Variants in FAM13A observed in about 807,000 individuals in gnomAD.
FAM13A encodes the protein family with sequence similarity 13 member A.
A neutral mutation model predicts 129.6 loss-of-function variants in FAM13A; 76 were observed. That is an observed-to-expected ratio of 0.59 (90% CI 0.49 to 0.71). FAM13A has a LOEUF of 0.71. FAM13A is among the 30% of genes least tolerant of loss of function. The pLI is 0.00. For synonymous variants in FAM13A, 443 were observed against 449.9 expected, an observed-to-expected ratio of 0.98 and a Z score of 0.20; for missense variants, 1,108 against 1,249.3, an observed-to-expected ratio of 0.89 and a Z score of 1.70.
At chr4:88,928,886 T>C (rs1348883407) in intron 5 of FAM13A, among the ~76,000 whole-genome samples, 1 of 152,076 alleles carries the variant, frequency 6.6e-6, no homozygotes, top group Non-Finnish European at 1.5e-5. Context: ...CTTTGTTTCT[T>C]TTTCTCTAAT....
chr4:88,838,061 A>T (rs191872451), intron 7 of FAM13A, among the ~76,000 whole-genome samples: 8 of 152,296 alleles, frequency 5.3e-5, no homozygotes, highest in Admixed American at 2.6e-4. Flanking sequence ...TGTATTAGGT[A>T]TTATAAGTAA....
At position 88,781,163 on chromosome 4, in the gene FAM13A, A is replaced by C; in HGVS notation, c.1458+2T>G. The C allele has an allele frequency of 6.3e-7, 1 of 1,575,178 alleles. No homozygotes were observed. Among genetic ancestry groups the C allele is most frequent in the East Asian group, 2.3e-5 (1 of 43,926 alleles). On this transcript the variant is annotated splice_donor_variant, in intron 11 of 23. Coordinates refer to ENST00000264344, the MANE Select transcript of FAM13A (RefSeq NM_014883.4). LOFTEE classifies it high-confidence loss of function. ...TAAAACTTTATAGACGTATTCACTT[A>C]CCACAAGACCGTCCTGATTGTCATG...
intron 2 of FAM13A, 57 bp downstream of exon 2, chr4:89,029,403 A>G: frequency 7.6e-7 from 1 of 1,321,244 alleles, no homozygotes; most frequent in Non-Finnish European, 1.1e-6. Flanking sequence ...TCACACAAAT[A>G]ATTTGTTTAT....
At chr4:88,813,600 C>T (rs1730087881) in intron 7 of FAM13A, among the ~76,000 whole-genome samples, 1 of 152,174 alleles carries the variant, frequency 6.6e-6, no homozygotes, top group African/African-American at 2.4e-5. Flanking sequence ...TTTGTTAACA[C>T]AGTTTTAACA....
At chr4:88,953,456 AAAAC>A (rs539585516) in intron 4 of FAM13A, among the ~76,000 whole-genome samples, 104 of 152,318 alleles carry the variant, frequency 6.8e-4, no homozygotes, top group South Asian at 2.5e-3. Flanking sequence ...CTCTATCTCA[AAAAC>A]AAACAAACAA....
intron 3 of FAM13A, among the ~76,000 whole-genome samples, chr4:88,994,872 T>C (rs1054861518): frequency 6.6e-6 from 1 of 151,988 alleles, no homozygotes; most frequent in Non-Finnish European, 1.5e-5. Flanking sequence ...ATTACTTTGC[T>C]ATGGCTTTAT....
chr4:88,810,109 A>G (rs1048434057), intron 7 of FAM13A, among the ~76,000 whole-genome samples: 1 of 152,160 alleles, frequency 6.6e-6, no homozygotes, highest in African/African-American at 2.4e-5. Context: ...TTAAATGCAA[A>G]GAGCTGAAGT....
At chr4:88,945,986 GTGTGTATATA>G (rs1396534015) in intron 4 of FAM13A, among the ~76,000 whole-genome samples, 2 of 21,850 alleles carry the variant, frequency 9.2e-5, no homozygotes, top group African/African-American at 2.8e-4. Context: ...GTGTGTGTGT[GTGTGTATATA>G]TATATATATA....
chr4:88,846,953 C>T (rs1020995128), intron 7 of FAM13A, among the ~76,000 whole-genome samples: 5 of 152,090 alleles, frequency 3.3e-5, no homozygotes, highest in African/African-American at 7.2e-5. Flanking sequence ...AATATGATTA[C>T]GTTATGTTAC....
chr4:88,884,220 CA>C (rs1397588241), intron 6 of FAM13A, among the ~76,000 whole-genome samples: 1 of 151,892 alleles, frequency 6.6e-6, no homozygotes, highest in African/African-American at 2.4e-5. Context: ...AAGAAAACAA[CA>C]GACCAATATC....
At chr4:89,009,963 T>C (rs1246698139) in intron 3 of FAM13A, among the ~76,000 whole-genome samples, 1 of 152,230 alleles carries the variant, frequency 6.6e-6, no homozygotes, top group Non-Finnish European at 1.5e-5. Flanking sequence ...TAATCTTTTA[T>C]AGTCAGAGTC....
At chr4:88,821,093 C>T (rs28418580) in intron 7 of FAM13A, among the ~76,000 whole-genome samples, 81,100 of 151,962 alleles carry the variant, frequency 0.53, 22,180 homozygotes, top group East Asian at 0.65. Context: ...GCCAAAGATA[C>T]CAAACTGGGA....
intron 4 of FAM13A, among the ~76,000 whole-genome samples, chr4:88,951,080 C>T (rs1354217846): frequency 6.6e-6 from 1 of 152,162 alleles, no homozygotes; most frequent in Admixed American, 6.5e-5. Flanking sequence ...GCTTAAGGGC[C>T]AGAACAACCG....
chr4:89,020,401 G>A (rs1767103028), intron 3 of FAM13A, 59 bp downstream of exon 3: 1 of 1,265,318 alleles, frequency 7.9e-7, no homozygotes. Context: ...ATAGGTGTGG[G>A]CCACCGTGCC....
At chr4:88,916,587 G>A (rs918107071) in intron 5 of FAM13A, among the ~76,000 whole-genome samples, 1 of 152,166 alleles carries the variant, frequency 6.6e-6, no homozygotes, top group Non-Finnish European at 1.5e-5. Flanking sequence ...TTGCACAGAG[G>A]TTTAAATAAT....
At chr4:88,736,824 G>A (rs1739076354) in intron 21 of FAM13A, among the ~76,000 whole-genome samples, 1 of 152,046 alleles carries the variant, frequency 6.6e-6, no homozygotes, top group Admixed American at 6.6e-5. Flanking sequence ...CAGGACATAT[G>A]TTCTGGTAGC....
At chr4:88,769,483 G>A (rs1720175527) in intron 11 of FAM13A, among the ~76,000 whole-genome samples, 1 of 152,076 alleles carries the variant, frequency 6.6e-6, no homozygotes, top group Non-Finnish European at 1.5e-5. Context: ...AATGAAGATG[G>A]CAACAATATG....
chr4:88,982,006 A>G (rs913706446), intron 4 of FAM13A, among the ~76,000 whole-genome samples: 3 of 152,206 alleles, frequency 2.0e-5, no homozygotes, highest in Admixed American at 6.5e-5. Context: ...TGACCCAGCT[A>G]TAAGGCAGAA....
chr4:88,953,487 C>A lies in FAM13A; in HGVS notation c.606-15246G>T, dbSNP rs560679313. On this transcript the variant is annotated intron_variant, in intron 4 of 23. Coordinates refer to ENST00000264344, the MANE Select transcript of FAM13A (RefSeq NM_014883.4). ...AACAAACAAACAAAAACAACAACAA[C>A]AAAAAACATAACATAAACTTTAACA... 5.3e-5 allele frequency among the ~76,000 whole-genome samples: 8 copies of A among 152,066 alleles called. No individual in the cohort carries two copies. In the South Asian group the frequency reaches 1.2e-3, roughly 24 times the overall value.
Sources: allele counts gnomAD v4.1 joint callset (sites outside exome capture counted in the v4.1 genomes callset), GRCh38; gene constraint gnomAD v4.1.1; transcripts MANE v1.5; gene names NCBI Gene and HGNC (gene_info 2026-07-23, HGNC 2026-07-21).